The following BCKDHB variants were observed in gnomAD, a reference collection of about 807,000 sequenced individuals.
BCKDHB encodes branched chain keto acid dehydrogenase E1 subunit beta.
In BCKDHB, 41 loss-of-function variants were observed where a neutral mutation model predicts 48.5. That is an observed-to-expected ratio of 0.85 (90% CI 0.66 to 1.10). The LOEUF is 1.10. Ranked by LOEUF, BCKDHB falls within the 50% of genes least tolerant of loss-of-function variation. BCKDHB has a pLI of 0.00. For missense variants in BCKDHB, 496 were observed against 494.2 expected (o/e 1.00, Z -0.03); for synonymous variants, 201 against 174.8 (o/e 1.15, Z -1.18).
At chr6:80,291,491 C>T (rs79496726) in intron 9 of BCKDHB, among the ~76,000 whole-genome samples, 67 of 152,288 alleles carry the variant, frequency 4.4e-4, no homozygotes, top group African/African-American at 1.5e-3. Flanking sequence ...ATATATTTCA[C>T]AATGGTAAAG....
chr6:80,345,914 A>G lies in BCKDHB; in HGVS notation c.*2110A>G, dbSNP rs1188207595. ...ACAACTCCAATATGCTAAAAGTTAA[A>G]TATGGTATTTAAGAAAATAGTCATG... On this transcript the variant is annotated 3_prime_UTR_variant, in exon 10 of 10. Transcript: ENST00000320393. 6.6e-6 allele frequency: 1 copy of G among 152,248 alleles called. No individual in the cohort carries two copies. The highest frequency in any genetic ancestry group is 1.9e-4 in the East Asian group (1 of 5,204). The allele number at this position is 152,248 out of a possible 1,614,324, so 9.4% of individuals were successfully genotyped here. A position where few individuals can be genotyped will look rare whatever the true frequency, so the allele number is the denominator to read the frequency against.
chr6:80,300,435 G>A (rs1767521141), intron 9 of BCKDHB, among the ~76,000 whole-genome samples: 1 of 152,028 alleles, frequency 6.6e-6, no homozygotes. Context: ...AATGATAAAG[G>A]GTACAATCCA....
chr6:80,330,158 C>T (rs1769251244), intron 9 of BCKDHB, among the ~76,000 whole-genome samples: 1 of 150,870 alleles, frequency 6.6e-6, no homozygotes, highest in Non-Finnish European at 1.5e-5. Context: ...CATGTCTTTA[C>T]TGGGCTTTGT....
chr6:80,455,704 C>G, the BCKDHB span, among the ~76,000 whole-genome samples: 1 of 151,912 alleles, frequency 6.6e-6, no homozygotes, highest in Non-Finnish European at 1.5e-5. Flanking sequence ...TGTTTTCAAT[C>G]CCACATAAAT....
chr6:80,429,717 A>G, the BCKDHB span, among the ~76,000 whole-genome samples: 3 of 152,174 alleles, frequency 2.0e-5, no homozygotes, highest in East Asian at 5.8e-4. Context: ...TTGCACATTG[A>G]TTTTGTATCC....
the BCKDHB span, among the ~76,000 whole-genome samples, chr6:80,401,093 A>G: frequency 6.8e-6 from 1 of 147,220 alleles, no homozygotes. Flanking sequence ...GGAGAAGATA[A>G]GAAAAAATAG....
At chr6:80,128,211 T>A (rs1770442205) in intron 2 of BCKDHB, among the ~76,000 whole-genome samples, 1 of 152,032 alleles carries the variant, frequency 6.6e-6, no homozygotes, top group South Asian at 2.1e-4. Flanking sequence ...TGTGTGCATA[T>A]ATGTTGACTA....
At chr6:80,389,441 C>A in the BCKDHB span, among the ~76,000 whole-genome samples, 1 of 152,176 alleles carries the variant, frequency 6.6e-6, no homozygotes, top group Non-Finnish European at 1.5e-5. Context: ...TGGACCTTGT[C>A]CGTAATGGAA....
chr6:80,236,893 G>T (rs1028027747), intron 8 of BCKDHB, among the ~76,000 whole-genome samples: 5 of 152,132 alleles, frequency 3.3e-5, no homozygotes, highest in Non-Finnish European at 7.4e-5. Context: ...GTTTTCTAAG[G>T]TCAACTTTCA....
chr6:80,313,093 C>T (rs1215564998), intron 9 of BCKDHB, among the ~76,000 whole-genome samples: 1 of 152,090 alleles, frequency 6.6e-6, no homozygotes, highest in Non-Finnish European at 1.5e-5. Flanking sequence ...TTATTACTGC[C>T]TCAATTTCAG....
intron 6 of BCKDHB, among the ~76,000 whole-genome samples, chr6:80,177,359 T>C (rs1331000152): frequency 7.2e-6 from 1 of 138,236 alleles, no homozygotes; most frequent in Non-Finnish European, 1.6e-5. Flanking sequence ...AAGAAAAATA[T>C]AATAAAAATC....
At position 80,286,740 on chromosome 6, in the gene BCKDHB, G is replaced by A. The variant is rs563344149; in HGVS notation, c.1038+13519G>A. ...ACCAGCAGTACAGCATTTTTAAATT[G>A]ATAAGTGTTTCATAGACAGAGTCTG... On this transcript the variant is annotated intron_variant, in intron 9 of 9. Transcript: ENST00000320393. Among the ~76,000 whole-genome samples, 3 of 152,218 alleles carry A rather than the reference G, an allele frequency of 2.0e-5. No homozygotes were observed. The East Asian group carries it at 5.8e-4, about 29-fold the overall frequency.
At chr6:80,271,897 A>G (rs1004157369) in intron 8 of BCKDHB, among the ~76,000 whole-genome samples, 43 of 152,052 alleles carry the variant, frequency 2.8e-4, no homozygotes, top group African/African-American at 8.9e-4. Context: ...TCTTTTAGAA[A>G]ACACTTTGAA....
chr6:80,123,817 A>G (rs1238232167), intron 1 of BCKDHB, among the ~76,000 whole-genome samples: 1 of 151,974 alleles, frequency 6.6e-6, no homozygotes, highest in Non-Finnish European at 1.5e-5. Context: ...TGGTCTATCA[A>G]TTTTGTTGAT....
chr6:80,160,952 T>C (rs1772281948), intron 3 of BCKDHB, among the ~76,000 whole-genome samples: 2 of 152,208 alleles, frequency 1.3e-5, no homozygotes, highest in Admixed American at 6.5e-5. Flanking sequence ...TTTCATTTTA[T>C]TCAGCTATCT....
intron 3 of BCKDHB, among the ~76,000 whole-genome samples, chr6:80,142,173 A>G (rs547243342): frequency 6.6e-6 from 1 of 152,196 alleles, no homozygotes; most frequent in East Asian, 1.9e-4. Flanking sequence ...TTTCAACCAT[A>G]GATCTTGAGG....
At chr6:80,187,937 A>C (rs982283303) in intron 6 of BCKDHB, among the ~76,000 whole-genome samples, 1 of 152,186 alleles carries the variant, frequency 6.6e-6, no homozygotes, top group Non-Finnish European at 1.5e-5. Context: ...CAAAGAACTT[A>C]AAAAAGAATT....
intron 6 of BCKDHB, among the ~76,000 whole-genome samples, chr6:80,179,982 T>C (rs534085586): frequency 2.0e-5 from 3 of 152,286 alleles, no homozygotes; most frequent in African/African-American, 7.2e-5. Context: ...CTCCATCATT[T>C]CTGGGCCTGA....
At chr6:80,460,855 T>A in the BCKDHB span, among the ~76,000 whole-genome samples, 1 of 152,110 alleles carries the variant, frequency 6.6e-6, no homozygotes, top group Non-Finnish European at 1.5e-5. Flanking sequence ...GACTGAACTC[T>A]TCTCTGTGAA....
Sources: allele counts gnomAD v4.1 joint callset (sites outside exome capture counted in the v4.1 genomes callset), GRCh38; gene constraint gnomAD v4.1.1; transcripts MANE v1.5; gene names NCBI Gene and HGNC (gene_info 2026-07-23, HGNC 2026-07-21).